Variants in AFG2A observed in about 807,000 individuals in gnomAD.
The protein encoded by AFG2A is AAA ATPase AFG2A, also known as ATPase family gene 2 protein homolog A.
At chr4:123,054,204 A>T in the AFG2A span, among the ~76,000 whole-genome samples, 509 of 152,332 alleles carry the variant, frequency 3.3e-3, 3 homozygotes, top group Middle Eastern at 0.014. Context: ...ATGCAAAAGC[A>T]AGCTCAGTGG....
At chr4:122,924,163 T>C in the AFG2A span, among the ~76,000 whole-genome samples, 5 of 152,244 alleles carry the variant, frequency 3.3e-5, no homozygotes, top group Admixed American at 3.3e-4. Flanking sequence ...ACTTGTTCTG[T>C]CCTGAAGGTT....
chr4:122,929,970 T>C, the AFG2A span, among the ~76,000 whole-genome samples: 4 of 152,194 alleles, frequency 2.6e-5, no homozygotes, highest in Non-Finnish European at 5.9e-5. Flanking sequence ...GTAATTTTCA[T>C]TGATGCATAT....
At chr4:123,108,774 G>T in the AFG2A span, among the ~76,000 whole-genome samples, 2 of 152,132 alleles carry the variant, frequency 1.3e-5, no homozygotes, top group East Asian at 3.8e-4. Context: ...GTTGGAGAAG[G>T]TGAGCAAAAT....
chr4:123,205,638 A>T, the AFG2A span, among the ~76,000 whole-genome samples: 1 of 152,126 alleles, frequency 6.6e-6, no homozygotes, highest in Non-Finnish European at 1.5e-5. Flanking sequence ...CATTTTATAT[A>T]AAAAGGACTT....
chr4:123,093,463 A>G, the AFG2A span, among the ~76,000 whole-genome samples: 1 of 152,186 alleles, frequency 6.6e-6, no homozygotes, highest in Non-Finnish European at 1.5e-5. Flanking sequence ...TCTTAGGCCA[A>G]TGAGCATTGA....
At chr4:123,242,165 G>A in the AFG2A span, among the ~76,000 whole-genome samples, 1 of 152,124 alleles carries the variant, frequency 6.6e-6, no homozygotes, top group South Asian at 2.1e-4. Flanking sequence ...AATCAATATT[G>A]TGAAAATATC....
At chr4:122,957,398 T>C in the AFG2A span, among the ~76,000 whole-genome samples, 1 of 152,206 alleles carries the variant, frequency 6.6e-6, no homozygotes, top group Non-Finnish European at 1.5e-5. Flanking sequence ...GTTTGATTAG[T>C]AGTGTGACTT....
chr4:123,207,285 CTTTTTTTTTTT>C, the AFG2A span, among the ~76,000 whole-genome samples: 2 of 108,484 alleles, frequency 1.8e-5, no homozygotes, highest in Non-Finnish European at 3.5e-5. Flanking sequence ...GTTGTGTTTC[CTTTTTTTTTTT>C]TTTTTTTTTT....
the AFG2A span, among the ~76,000 whole-genome samples, chr4:123,278,108 G>A: frequency 6.6e-6 from 1 of 151,958 alleles, no homozygotes; most frequent in East Asian, 1.9e-4. Context: ...TTTCTTGGTT[G>A]GTAGGCTTTT....
the AFG2A span, among the ~76,000 whole-genome samples, chr4:123,264,979 G>C: frequency 1.3e-5 from 2 of 152,018 alleles, no homozygotes; most frequent in Non-Finnish European, 2.9e-5. Flanking sequence ...TGGGATCTTG[G>C]GATCTTAGTC....
the AFG2A span, among the ~76,000 whole-genome samples, chr4:123,016,192 G>T: frequency 2.9e-4 from 35 of 121,094 alleles, no homozygotes; most frequent in Admixed American, 2.8e-3. Context: ...CCCGGACGGG[G>T]CGGCTGGCCG....
the AFG2A span, among the ~76,000 whole-genome samples, chr4:123,096,119 T>C: frequency 6.6e-6 from 1 of 152,132 alleles, no homozygotes; most frequent in South Asian, 2.1e-4. Context: ...TTTGCTGTGA[T>C]GTAGCACACT....
chr4:122,961,017 A>G, the AFG2A span, among the ~76,000 whole-genome samples: 1 of 152,242 alleles, frequency 6.6e-6, no homozygotes, highest in Non-Finnish European at 1.5e-5. Flanking sequence ...GCTTATGGTG[A>G]GCTCTACATT....
At chr4:123,161,687 A>G in the AFG2A span, among the ~76,000 whole-genome samples, 1 of 152,174 alleles carries the variant, frequency 6.6e-6, no homozygotes, top group Non-Finnish European at 1.5e-5. Context: ...TTCTGAATAG[A>G]AAAAAATACT....
At chr4:123,000,982 T>G in the AFG2A span, among the ~76,000 whole-genome samples, 1 of 121,406 alleles carries the variant, frequency 8.2e-6, no homozygotes, top group Non-Finnish European at 1.8e-5. Context: ...CAATTTCAGA[T>G]CCTGTTATTG....
the AFG2A span, chr4:122,929,153 T>TG: frequency 6.2e-7 from 1 of 1,612,566 alleles, no homozygotes; most frequent in Non-Finnish European, 8.5e-7. Flanking sequence ...TCCAGCCTCT[T>TG]GTGGGTGCTG....
chr4:122,923,205 C>T, the AFG2A span: 7 of 1,614,256 alleles, frequency 4.3e-6, no homozygotes, highest in African/African-American at 1.3e-5. Context: ...CGTCCTTGCC[C>T]TCTGCTGCTT....
the AFG2A span, among the ~76,000 whole-genome samples, chr4:123,123,931 G>C: frequency 2.5e-5 from 3 of 118,072 alleles, no homozygotes; most frequent in African/African-American, 1.0e-4. Context: ...CAGCCTGGGC[G>C]ACAGAGTGAA....
chr4:123,290,712 A>G, the AFG2A span, among the ~76,000 whole-genome samples: 8 of 152,214 alleles, frequency 5.3e-5, no homozygotes, highest in African/African-American at 1.9e-4. Context: ...TTTTAAAACC[A>G]TCATATCTCA....
Sources: gnomAD v4.1 joint callset for allele counts (sites outside exome capture counted in the v4.1 genomes callset) on GRCh38, gnomAD v4.1.1 for gene constraint, MANE v1.5 for transcripts, NCBI Gene and HGNC (gene_info 2026-07-23, HGNC 2026-07-21) for gene names.